PDE8A: variants seen among roughly 807,000 people sequenced by gnomAD.
The protein encoded by PDE8A is phosphodiesterase 8A, also known as high affinity cAMP-specific and IBMX-insensitive 3',5'-cyclic phosphodiesterase 8A.
In PDE8A, 59 loss-of-function variants were observed where a neutral mutation model predicts 105.0. The observed-to-expected ratio is 0.56, with a 90% CI of 0.46 to 0.70. The LOEUF (loss-of-function observed/expected upper bound fraction) is 0.70. PDE8A is among the 30% of genes least tolerant of loss of function. PDE8A has a pLI of 0.00. For missense variants in PDE8A, 1,014 were observed against 1,045.9 expected (o/e 0.97, Z 0.42); for synonymous variants, 355 against 371.9 (o/e 0.95, Z 0.52).
intron 2 of PDE8A, among the ~76,000 whole-genome samples, chr15:85,065,473 A>G (rs945356813): frequency 7.0e-6 from 1 of 142,036 alleles, no homozygotes; most frequent in African/African-American, 2.8e-5. Context: ...CCTAAAACTT[A>G]AAGTATAATT....
At position 85,051,394 on chromosome 15, in the gene PDE8A, C is replaced by T. The variant is rs192928451; in HGVS notation, c.187-12976C>T. The stretch of plus-strand genomic sequence containing the variant: ...TGTTCCTGATCTTAGAGGAAAAGTC[C>T]TTTACCATTCATTATGATGTTTGCT... On this transcript the variant is annotated intron_variant, in intron 1 of 21. Transcript: ENST00000394553. 3.6e-4 allele frequency among the ~76,000 whole-genome samples: 55 copies of T among 152,256 alleles called. No homozygotes were observed. In the Middle Eastern group the frequency reaches 0.01, roughly 28 times the overall value.
intron 3 of PDE8A, among the ~76,000 whole-genome samples, chr15:85,069,859 T>TG (rs1567264138): frequency 6.6e-6 from 1 of 152,012 alleles, no homozygotes; most frequent in Admixed American, 6.5e-5. Context: ...GGTGAGGATT[T>TG]GGGGTAGGGA....
intron 19 of PDE8A, among the ~76,000 whole-genome samples, chr15:85,123,436 A>G (rs1040422992): frequency 2.6e-5 from 4 of 151,834 alleles, no homozygotes; most frequent in African/African-American, 7.3e-5. Context: ...GTCCCACAAT[A>G]GGCTGTCTGC....
At chr15:85,119,314 G>A (rs1212336221) in intron 17 of PDE8A, among the ~76,000 whole-genome samples, 1 of 151,484 alleles carries the variant, frequency 6.6e-6, no homozygotes, top group Non-Finnish European at 1.5e-5. Flanking sequence ...ACTAAAAATA[G>A]AAAAATTAGC....
At chr15:85,042,645 A>G (rs908587822) in intron 1 of PDE8A, among the ~76,000 whole-genome samples, 1 of 152,166 alleles carries the variant, frequency 6.6e-6, no homozygotes, top group African/African-American at 2.4e-5. Context: ...TAGCTTCCCT[A>G]CCTGGTCAAG....
chr15:85,058,935 G>A (rs1352292476), intron 1 of PDE8A, among the ~76,000 whole-genome samples: 1 of 151,830 alleles, frequency 6.6e-6, no homozygotes, highest in Non-Finnish European at 1.5e-5. Flanking sequence ...GCTAGCTTTG[G>A]GTTTAGTTTT....
At chr15:85,002,284 G>C (rs2142180826) in intron 1 of PDE8A, among the ~76,000 whole-genome samples, 1 of 152,042 alleles carries the variant, frequency 6.6e-6, no homozygotes, top group East Asian at 1.9e-4. Context: ...CACCCTCTTG[G>C]GATTGATGAT....
At chr15:85,053,703 TAAG>T (rs1383784089) in intron 1 of PDE8A, among the ~76,000 whole-genome samples, 1 of 152,270 alleles carries the variant, frequency 6.6e-6, no homozygotes, top group African/African-American at 2.4e-5. Context: ...CTTATCAGCT[TAAG>T]GAGATTTTGG....
intron 1 of PDE8A, among the ~76,000 whole-genome samples, chr15:84,983,373 C>G (rs2079751300): frequency 6.6e-6 from 1 of 152,162 alleles, no homozygotes; most frequent in African/African-American, 2.4e-5. Context: ...TTTGATTTTT[C>G]CTTGCTTGCT....
At chr15:85,005,725 C>T (rs946835011) in intron 1 of PDE8A, among the ~76,000 whole-genome samples, 1 of 152,116 alleles carries the variant, frequency 6.6e-6, no homozygotes, top group Non-Finnish European at 1.5e-5. Flanking sequence ...TCATTCCTCT[C>T]AGAATATGGA....
intron 1 of PDE8A, among the ~76,000 whole-genome samples, chr15:84,993,672 G>A (rs1325229555): frequency 1.3e-5 from 2 of 151,966 alleles, no homozygotes; most frequent in Non-Finnish European, 2.9e-5. Flanking sequence ...GTGAGGCCAG[G>A]AGTTTGAGAA....
intron 12 of PDE8A, among the ~76,000 whole-genome samples, chr15:85,109,348 G>A (rs1405361438): frequency 2.6e-5 from 4 of 152,188 alleles, no homozygotes; most frequent in Non-Finnish European, 5.9e-5. Context: ...AGAAAAGGAA[G>A]AAGATACATT....
rs2082171637 is a variant in PDE8A, at chr15:85,120,966, A to G, written c.1904A>G (p.Gln635Arg). The part of the protein sequence containing the change: ...LESHHAALAF[Q>R]LTTGDDKCNI... ...AGCCACCATGCGGCCTTGGCCTTCCAGCTGACCACTGGAGATGATAAATGC... is the reference window on the plus strand; with the variant it reads ...AGCCACCATGCGGCCTTGGCCTTCCGGCTGACCACTGGAGATGATAAATGC... The change falls in exon 18 of 22, where the codon CAG becomes CGG. Residue 635 changes from glutamine to arginine, a missense_variant. By Grantham distance (43) the Gln-to-Arg change is conservative. Transcript: ENST00000394553. The G allele has an allele frequency of 1.2e-6, 2 of 1,614,036 alleles. No homozygotes were observed. Among genetic ancestry groups the G allele is most frequent in the Admixed American group, 1.7e-5 (1 of 60,004 alleles).
At chr15:85,080,614 A>G (rs976221766) in intron 5 of PDE8A, among the ~76,000 whole-genome samples, 3 of 152,172 alleles carry the variant, frequency 2.0e-5, no homozygotes, top group African/African-American at 4.8e-5. Context: ...GTGCCTGGTG[A>G]CTGCCGTGTT....
At chr15:85,136,781 G>A in intron 21 of PDE8A, 118 bp downstream of exon 21, 2 of 1,016,768 alleles carry the variant, frequency 2.0e-6, no homozygotes, top group Non-Finnish European at 2.8e-6. Flanking sequence ...TCAAGAACAA[G>A]AGCGAAGTGA....
rs531651937 is a variant in PDE8A at position 85,102,547 on chromosome 15, A to AT, written c.1036+2349_1036+2350insT. On this transcript the variant is annotated intron_variant, in intron 11 of 21. Coordinates refer to ENST00000394553, the MANE Select transcript of PDE8A (RefSeq NM_002605.3). ...ATTTTTTTTTTTTTAACTCTTAAGA[A>AT]GAGTACCATAGGGCTGGACGCAGTG... Among the ~76,000 whole-genome samples the AT allele has an allele frequency of 9.5e-4, 144 of 151,944 alleles. 1 individual carries two copies. The highest frequency in any genetic ancestry group is 3.4e-3 in the African/African-American group (139 of 41,428).
rs370281755 is a variant in PDE8A at position 85,120,876 on chromosome 15, A to G, written c.1814A>G (p.Asn605Ser). The part of the protein sequence containing the change: ...IHDVDHPGRT[N>S]SFLCNAGSEL... The stretch of plus-strand genomic sequence containing the variant: ...GATGTGGATCACCCTGGGAGAACCA[A>G]CTCCTTCCTGTGTAATGCTGGAAGT... The change falls in exon 18 of 22, where the codon AAC becomes AGC. Residue 605 changes from asparagine (N) to serine (S), a missense_variant. Transcript: ENST00000394553. 68 of 1,613,696 alleles carry G rather than the reference A, an allele frequency of 4.2e-5. No homozygotes were observed. Among genetic ancestry groups the G allele is most frequent in the Non-Finnish European group, 4.7e-5 (56 of 1,179,736 alleles).
Position 85,100,169 on chromosome 15 carries a change from C to G in PDE8A, c.1007C>G (p.Ser336Cys). ...CNGNNKAEKISECVQSDTHTD... is the reference protein window; with the variant it reads ...CNGNNKAEKICECVQSDTHTD... ...ATTCACTTTTAGGCTGAGAAAATAT[C>G]CGAATGTGTTCAGTCTGACACTCAT... Residue 336 changes from serine (S) to cysteine (C), a missense_variant, in exon 11 of 22, where the codon TCC becomes TGC. Transcript: ENST00000394553. The G allele has an allele frequency of 6.2e-7, 1 of 1,613,894 alleles. No homozygotes were observed. The highest frequency in any genetic ancestry group is 8.5e-7 in the Non-Finnish European group (1 of 1,179,734).
intron 1 of PDE8A, among the ~76,000 whole-genome samples, chr15:85,056,734 CT>C (rs529302511): frequency 1.9e-3 from 297 of 152,318 alleles, no homozygotes; most frequent in African/African-American, 7.0e-3. Context: ...AGGTTTTTAG[CT>C]TCTTTGCAGT....
Sources: gnomAD v4.1 joint callset for allele counts (sites outside exome capture counted in the v4.1 genomes callset) on GRCh38, gnomAD v4.1.1 for gene constraint, MANE v1.5 for transcripts, NCBI Gene and HGNC (gene_info 2026-07-23, HGNC 2026-07-21) for gene names.